DYDC2: variants seen among roughly 807,000 people sequenced by gnomAD.
The protein encoded by DYDC2 is DPY30 domain-containing protein 2.
A neutral mutation model predicts 18.7 loss-of-function variants in DYDC2; 19 were observed. That is an observed-to-expected ratio of 1.02 (90% CI 0.71 to 1.49). The LOEUF is 1.49. Ranked by LOEUF, DYDC2 falls within the 40% of genes most tolerant of loss-of-function variation. DYDC2 has a pLI of 0.00. For missense variants in DYDC2, 179 were observed against 205.1 expected (o/e 0.87, Z 0.78); for synonymous variants, 63 against 67.6 (o/e 0.93, Z 0.34).
chr10:80,348,034 T>C (rs563014076), intron 1 of DYDC2, among the ~76,000 whole-genome samples: 5 of 152,344 alleles, frequency 3.3e-5, no homozygotes, highest in African/African-American at 1.2e-4. Flanking sequence ...AATCTGCAGA[T>C]TACTTTAGGT....
chr10:80,356,142 A>C (rs542151775), upstream of DYDC2: 1 of 655,120 alleles, frequency 1.5e-6, no homozygotes, highest in African/African-American at 2.0e-5. Flanking sequence ...ATTTCTGGGC[A>C]TATCAGTGGG....
chr10:80,358,116 G>A (rs1365674554), intron 2 of DYDC2, 71 bp downstream of exon 2: 22 of 960,310 alleles, frequency 2.3e-5, no homozygotes, highest in East Asian at 1.2e-4. Flanking sequence ...GTGGCTCACC[G>A]CCTGTAATCC....
At chr10:80,360,097 G>T (rs1408392220) in intron 2 of DYDC2, among the ~76,000 whole-genome samples, 1 of 152,218 alleles carries the variant, frequency 6.6e-6, no homozygotes, top group South Asian at 2.1e-4. Context: ...AGTAAGAGGG[G>T]TGTAGAAGTT....
chr10:80,349,697 T>C (rs1842876525), intron 1 of DYDC2, among the ~76,000 whole-genome samples: 1 of 152,228 alleles, frequency 6.6e-6, no homozygotes, highest in African/African-American at 2.4e-5. Context: ...ATGCAAAGTG[T>C]ATTTGTTAAA....
chr10:80,362,705 T>G, intron 3 of DYDC2, 115 bp downstream of exon 3: 1 of 1,471,250 alleles, frequency 6.8e-7, no homozygotes, highest in Admixed American at 2.3e-5. Flanking sequence ...TTTATTTGAC[T>G]TGCTCTTAGA....
At chr10:80,365,191 G>C (rs949490704) in intron 4 of DYDC2, among the ~76,000 whole-genome samples, 1 of 152,136 alleles carries the variant, frequency 6.6e-6, no homozygotes, top group Non-Finnish European at 1.5e-5. Flanking sequence ...TTGGATACAG[G>C]TTAGCAAGTC....
intron 2 of DYDC2, among the ~76,000 whole-genome samples, chr10:80,360,831 C>T (rs1297696122): frequency 4.0e-5 from 6 of 150,624 alleles, no homozygotes; most frequent in Admixed American, 6.7e-5. Context: ...GAGATCTCAA[C>T]GCATTGCAGC....
chr10:80,362,876 G>A, intron 3 of DYDC2, 75 bp from the exon 4 acceptor site: 1 of 1,555,084 alleles, frequency 6.4e-7, no homozygotes, highest in Non-Finnish European at 8.7e-7. Context: ...GCCCATATCA[G>A]TCCCCAGTGA....
At chr10:80,359,322 C>T (rs1445667763) in intron 2 of DYDC2, among the ~76,000 whole-genome samples, 1 of 152,152 alleles carries the variant, frequency 6.6e-6, no homozygotes, top group Non-Finnish European at 1.5e-5. Context: ...CTGATTGGTA[C>T]ATTTACAAAC....
chr10:80,347,276 C>CTTTTTTTTTTTTT lies in DYDC2; in HGVS notation c.-310+2478_-310+2490dup, dbSNP rs556362145. Reference sequence around the variant, plus strand: ...CTTTGCCCATTTTTTAATTGGGATCCTTTTTTTTTTTTTTTTTTTTTTTTT... The same window carrying CTTTTTTTTTTTTT: ...CTTTGCCCATTTTTTAATTGGGATCCTTTTTTTTTTTTTTTTTTTTTTTTTTTTTTTTTTTTTT... On this transcript the variant is annotated intron_variant, in intron 1 of 4. Transcript: ENST00000372197. Among the ~76,000 whole-genome samples, 9 of 90,122 alleles carry CTTTTTTTTTTTTT rather than the reference C, an allele frequency of 1.0e-4. 2 individuals carry two copies. Among genetic ancestry groups the CTTTTTTTTTTTTT allele is most frequent in the African/African-American group, 1.3e-4 (3 of 22,872 alleles). The allele number at this position is 90,122 out of a possible 152,430, so 59.1% of individuals were successfully genotyped here.
chr10:80,352,804 T>C, upstream of DYDC2: 2 of 524,196 alleles, frequency 3.8e-6, no homozygotes, highest in Non-Finnish European at 5.9e-6. Context: ...AGGAAGTCAC[T>C]ACAACTAACA....
At chr10:80,366,323 G>A (rs554131591) in intron 4 of DYDC2, among the ~76,000 whole-genome samples, 13 of 152,212 alleles carry the variant, frequency 8.5e-5, no homozygotes, top group Middle Eastern at 3.4e-3. Flanking sequence ...AAGCCACCAC[G>A]CCCAGCCCAT....
At chr10:80,364,958 T>C (rs1843781923) in intron 4 of DYDC2, among the ~76,000 whole-genome samples, 1 of 152,106 alleles carries the variant, frequency 6.6e-6, no homozygotes, top group African/African-American at 2.4e-5. Flanking sequence ...CAAGTTCTGG[T>C]TTCTGATTGA....
upstream of DYDC2, chr10:80,352,536 T>C (rs1418648803): frequency 6.2e-7 from 1 of 1,613,690 alleles, no homozygotes; most frequent in Admixed American, 1.7e-5. Context: ...GGCGAACTCT[T>C]GCCACTTCTG....
intron 1 of DYDC2, among the ~76,000 whole-genome samples, chr10:80,350,862 C>T (rs774633885): frequency 6.6e-6 from 1 of 152,144 alleles, no homozygotes; most frequent in Non-Finnish European, 1.5e-5. Flanking sequence ...TACTCCATGA[C>T]CCATCCCTTC....
chr10:80,366,028 C>T (rs1386765272), intron 4 of DYDC2, among the ~76,000 whole-genome samples: 7 of 90,338 alleles, frequency 7.7e-5, no homozygotes, highest in South Asian at 9.2e-4. Flanking sequence ...TTTTCTTTCT[C>T]TTTTTTTTTT....
upstream of DYDC2, among the ~76,000 whole-genome samples, chr10:80,355,980 T>G: frequency 7.6e-6 from 1 of 131,218 alleles, no homozygotes; most frequent in African/African-American, 2.9e-5. Flanking sequence ...TCATTTGAAG[T>G]GAAGTTAAAA....
chr10:80,354,129 A>AAT (rs1208621866), upstream of DYDC2, among the ~76,000 whole-genome samples: 827 of 147,668 alleles, frequency 5.6e-3, 7 homozygotes, highest in African/African-American at 0.014. Flanking sequence ...TATAAAAAAA[A>AAT]ATATATATAT....
intron 1 of DYDC2, among the ~76,000 whole-genome samples, chr10:80,345,027 C>T (rs769008541): frequency 1.5e-4 from 23 of 149,038 alleles, no homozygotes; most frequent in African/African-American, 5.8e-4. Flanking sequence ...TAGAAAAAGG[C>T]TGAGCTGAAC....
Sources: allele counts gnomAD v4.1 joint callset (sites outside exome capture counted in the v4.1 genomes callset), GRCh38; gene constraint gnomAD v4.1.1; transcripts MANE v1.5; gene names NCBI Gene and HGNC (gene_info 2026-07-23, HGNC 2026-07-21).